IL1RAPL2: variants seen among roughly 807,000 people sequenced by gnomAD.
IL1RAPL2 encodes interleukin 1 receptor accessory protein like 2.
Under a neutral mutation model 44.1 loss-of-function variants are expected in IL1RAPL2, and 3 were observed. The ratio of observed to expected loss-of-function variants is 0.07; its 90% CI spans 0.03 to 0.18. The LOEUF (loss-of-function observed/expected upper bound fraction) is 0.18, where lower values mean the gene tolerates loss of function less well. Ranked by LOEUF, IL1RAPL2 falls within the 10% of genes least tolerant of loss-of-function variation. The pLI is 1.00. For missense variants in IL1RAPL2, 391 were observed against 496.4 expected, an observed-to-expected ratio of 0.79 and a Z score of 2.02; for synonymous variants, 181 against 178.8, an observed-to-expected ratio of 1.01 and a Z score of -0.10.
intron 2 of IL1RAPL2, among the ~76,000 whole-genome samples, chrX:104,975,815 G>C (rs1483044296): frequency 8.9e-6 from 1 of 111,741 alleles, no homozygotes; most frequent in African/African-American, 3.3e-5. Flanking sequence ...AGTTGGATAA[G>C]TGAGGTGGCT....
intron 6 of IL1RAPL2, among the ~76,000 whole-genome samples, chrX:105,582,636 A>AT (rs1170002289): frequency 4.5e-5 from 5 of 110,020 alleles, no homozygotes; most frequent in Admixed American, 3.9e-4. Context: ...TTAGCTGTAG[A>AT]TTTTTTATAT....
At chrX:105,494,055 AT>A (rs1454989685) in intron 6 of IL1RAPL2, among the ~76,000 whole-genome samples, 2 of 112,023 alleles carry the variant, frequency 1.8e-5, no homozygotes, top group Non-Finnish European at 3.8e-5. Flanking sequence ...CAAGAAACTA[AT>A]TTGTATCATT....
chrX:105,371,283 G>A (rs1340962556), intron 5 of IL1RAPL2, among the ~76,000 whole-genome samples: 2 of 111,981 alleles, frequency 1.8e-5, no homozygotes, highest in African/African-American at 3.2e-5. Context: ...TGCTTTTGAT[G>A]TCTTCATCAT....
intron 2 of IL1RAPL2, among the ~76,000 whole-genome samples, chrX:105,066,250 A>T (rs1219094540): frequency 7.2e-5 from 8 of 111,224 alleles, no homozygotes; most frequent in Non-Finnish European, 1.5e-4. Flanking sequence ...ACATATCTTC[A>T]TCAGTTTCCC....
intron 2 of IL1RAPL2, among the ~76,000 whole-genome samples, chrX:104,923,365 T>C (rs1475142415): frequency 9.0e-6 from 1 of 111,610 alleles, no homozygotes; most frequent in Non-Finnish European, 1.9e-5. Context: ...CAACAGACTA[T>C]CCAACATCAA....
chrX:104,922,822 A>G (rs1422061001), intron 2 of IL1RAPL2, among the ~76,000 whole-genome samples: 2 of 112,094 alleles, frequency 1.8e-5, no homozygotes, highest in Non-Finnish European at 3.8e-5. Context: ...CAAAATGAAA[A>G]CTTGGAAATG....
At chrX:104,964,277 G>A (rs903166695) in intron 2 of IL1RAPL2, among the ~76,000 whole-genome samples, 1 of 91,567 alleles carries the variant, frequency 1.1e-5, no homozygotes, top group East Asian at 3.5e-4. Flanking sequence ...CATTGTGCCA[G>A]GGATTTATTT....
chrX:104,597,815 T>A (rs1928795939), intron 1 of IL1RAPL2, among the ~76,000 whole-genome samples: 1 of 111,720 alleles, frequency 9.0e-6, no homozygotes, highest in African/African-American at 3.3e-5. Context: ...CACAGCAGGT[T>A]TTTTGGGGAA....
rs2035224765 is a variant in IL1RAPL2, at chrX:105,358,690, AAC to A, written c.697+91151_697+91152del. Among the ~76,000 whole-genome samples the A allele has an allele frequency of 2.9e-4, 4 of 13,981 alleles. No homozygotes were observed. The Non-Finnish European group carries it at 0.013, about 46-fold the overall frequency. The allele number at this position is 13,981 out of a possible 115,157, so 12.1% of individuals were successfully genotyped here. A position where few individuals can be genotyped will look rare whatever the true frequency, so the allele number is the denominator to read the frequency against. On this transcript the variant is annotated intron_variant, in intron 5 of 10. Coordinates refer to ENST00000372582, the MANE Select transcript of IL1RAPL2 (RefSeq NM_017416.2). ...ACCCTGTCTCAAAAAAAAAAAACAC[AAC>A]AACAACAAACAAAAAAAAAAAAAGA...
At chrX:105,111,575 A>C (rs57688721) in intron 2 of IL1RAPL2, among the ~76,000 whole-genome samples, 2,283 of 111,968 alleles carry the variant, frequency 0.02, 50 homozygotes, top group African/African-American at 0.071. Context: ...AGTATTGACC[A>C]TTTGCAGAAC....
chrX:105,513,159 A>G (rs977726075), intron 6 of IL1RAPL2, among the ~76,000 whole-genome samples: 34 of 111,538 alleles, frequency 3.0e-4, no homozygotes, highest in African/African-American at 1.1e-3. Flanking sequence ...TTCTTTATCC[A>G]GTCTATCATT....
intron 5 of IL1RAPL2, among the ~76,000 whole-genome samples, chrX:105,325,538 GTT>G (rs1491539500): frequency 7.5e-5 from 3 of 39,760 alleles, no homozygotes; most frequent in African/African-American, 3.4e-4. Flanking sequence ...ATCTCTCTTG[GTT>G]TTATATATAT....
chrX:105,615,375 C>T, intron 6 of IL1RAPL2, among the ~76,000 whole-genome samples: 1 of 111,971 alleles, frequency 8.9e-6, no homozygotes, highest in Non-Finnish European at 1.9e-5. Context: ...GAGGTATCTG[C>T]ACTCCCATGT....
intron 2 of IL1RAPL2, among the ~76,000 whole-genome samples, chrX:104,911,624 T>C (rs988042083): frequency 8.9e-6 from 1 of 111,849 alleles, no homozygotes; most frequent in African/African-American, 3.3e-5. Flanking sequence ...CTGCAGTACT[T>C]TTAAAATGTA....
intron 2 of IL1RAPL2, among the ~76,000 whole-genome samples, chrX:105,113,643 GTCTC>G (rs751388750): frequency 1.8e-5 from 2 of 111,705 alleles, no homozygotes; most frequent in Admixed American, 9.5e-5. Flanking sequence ...TGGCTTTGAA[GTCTC>G]TCTATCATTT....
chrX:104,718,166 T>C (rs1361125457), intron 2 of IL1RAPL2, among the ~76,000 whole-genome samples: 4 of 111,006 alleles, frequency 3.6e-5, no homozygotes, highest in African/African-American at 1.3e-4. Flanking sequence ...TCTAGATCCC[T>C]GAGGAATCGC....
chrX:104,633,591 T>A lies in IL1RAPL2; in HGVS notation c.-19-25304T>A, dbSNP rs778388616. On this transcript the variant is annotated intron_variant, in intron 1 of 10. Coordinates refer to ENST00000372582, the MANE Select transcript of IL1RAPL2 (RefSeq NM_017416.2). ...TTGGGAGGGTATATGTGTCAAGGAA[T>A]TTATCTATTTCTTCTAGATTTTCTA... is the stretch of plus-strand genomic sequence containing the variant. Among the ~76,000 whole-genome samples, 18 of 112,020 alleles carry A rather than the reference T, an allele frequency of 1.6e-4. No homozygotes were observed. In the East Asian group the frequency reaches 1.7e-3, roughly 10 times the overall value.
At chrX:105,185,628 G>A (rs908615540) in intron 2 of IL1RAPL2, among the ~76,000 whole-genome samples, 1 of 111,561 alleles carries the variant, frequency 9.0e-6, no homozygotes, top group East Asian at 2.8e-4. Flanking sequence ...CAGATTTTCT[G>A]ATCTCCAGCC....
chrX:104,819,803 T>A (rs1333926902), intron 2 of IL1RAPL2, among the ~76,000 whole-genome samples: 1 of 112,293 alleles, frequency 8.9e-6, no homozygotes, highest in African/African-American at 3.2e-5. Context: ...TTGTGTGATG[T>A]TATGTTCTCA....
Sources: allele counts gnomAD v4.1 joint callset (sites outside exome capture counted in the v4.1 genomes callset), GRCh38; gene constraint gnomAD v4.1.1; transcripts MANE v1.5; gene names NCBI Gene and HGNC (gene_info 2026-07-23, HGNC 2026-07-21).